The following PSMA1 variants were observed in gnomAD, a reference collection of about 807,000 sequenced individuals.
PSMA1 encodes the protein proteasome 20S subunit alpha 1.
In PSMA1, 3 loss-of-function variants were observed where a neutral mutation model predicts 38.4. The observed-to-expected ratio is 0.08, with a 90% confidence interval of 0.04 to 0.20. The LOEUF (loss-of-function observed/expected upper bound fraction) is 0.20, where lower values mean the gene tolerates loss of function less well. Ranked by LOEUF, PSMA1 falls within the 10% of genes least tolerant of loss-of-function variation. The probability of loss-of-function intolerance (pLI) is 1.00; values close to 1 mark genes in which losing one functional copy is unlikely to be tolerated. For missense variants in PSMA1, 227 were observed against 325.3 expected, an observed-to-expected ratio of 0.70 and a Z score of 2.32; for synonymous variants, 101 against 107.1, an observed-to-expected ratio of 0.94 and a Z score of 0.35.
At chr11:14,614,879 CT>C (rs1852752577) in intron 1 of PSMA1, among the ~76,000 whole-genome samples, 1 of 152,188 alleles carries the variant, frequency 6.6e-6, no homozygotes, top group Admixed American at 6.5e-5. Context: ...TTGGAGGGAT[CT>C]TTTTCTAACT....
intron 4 of PSMA1, 76 bp downstream of exon 4, chr11:14,517,566 C>A: frequency 8.4e-7 from 1 of 1,189,494 alleles, no homozygotes; most frequent in East Asian, 2.6e-5. Context: ...TCCTAAAATA[C>A]CTTATCTGGA....
intron 2 of PSMA1, among the ~76,000 whole-genome samples, chr11:14,589,461 TA>T (rs1338474627): frequency 3.3e-5 from 5 of 150,864 alleles, no homozygotes; most frequent in African/African-American, 7.3e-5. Context: ...TATATATATA[TA>T]TTTTTTTCTT....
chr11:14,539,861 A>G (rs965986409), intron 2 of PSMA1, among the ~76,000 whole-genome samples: 3 of 150,942 alleles, frequency 2.0e-5, no homozygotes, highest in African/African-American at 7.3e-5. Flanking sequence ...ACAAACAAAC[A>G]AAGAAAAAAA....
chr11:14,639,304 GAA>G (rs1249492346), intron 1 of PSMA1, among the ~76,000 whole-genome samples: 1 of 151,990 alleles, frequency 6.6e-6, no homozygotes, highest in Non-Finnish European at 1.5e-5. Flanking sequence ...TGAATGTTAA[GAA>G]AAATATTTTA....
intron 2 of PSMA1, among the ~76,000 whole-genome samples, chr11:14,580,396 C>T (rs571737346): frequency 3.3e-5 from 5 of 152,166 alleles, no homozygotes; most frequent in Admixed American, 6.5e-5. Context: ...TGCTACACCT[C>T]AAGACCACTT....
At chr11:14,633,959 C>G (rs527390728) in intron 1 of PSMA1, among the ~76,000 whole-genome samples, 1 of 152,184 alleles carries the variant, frequency 6.6e-6, no homozygotes, top group Non-Finnish European at 1.5e-5. Context: ...TGACCCCTTG[C>G]GCTTCCCAAG....
intron 1 of PSMA1, among the ~76,000 whole-genome samples, chr11:14,638,578 TATATATA>T (rs1317739813): frequency 1.1e-3 from 26 of 24,390 alleles, no homozygotes; most frequent in African/African-American, 1.6e-3. Context: ...TATATATATA[TATATATA>T]TTTTTTTTTT....
intron 2 of PSMA1, among the ~76,000 whole-genome samples, chr11:14,554,208 G>T (rs567867868): frequency 3.3e-5 from 5 of 152,062 alleles, no homozygotes; most frequent in African/African-American, 1.2e-4. Flanking sequence ...CAGATGTTTG[G>T]TTTACTATAT....
upstream of PSMA1, chr11:14,520,435 C>G (rs1191779784): frequency 1.3e-6 from 2 of 1,596,936 alleles, no homozygotes; most frequent in Non-Finnish European, 1.7e-6. Flanking sequence ...GCAGTCTATT[C>G]CAGAGATATC....
intron 2 of PSMA1, among the ~76,000 whole-genome samples, chr11:14,586,617 A>C (rs1329826360): frequency 6.6e-6 from 1 of 152,172 alleles, no homozygotes; most frequent in Non-Finnish European, 1.5e-5. Flanking sequence ...GAAAATACTT[A>C]GGTAGTTTTT....
At chr11:14,519,842 G>A (rs1317287145) in intron 1 of PSMA1, 1 of 167,868 alleles carries the variant, frequency 6.0e-6, no homozygotes, top group African/African-American at 2.4e-5. Flanking sequence ...TCTAATCGAA[G>A]TCTAGGCGAG....
chr11:14,593,209 G>C (rs1852443465), intron 2 of PSMA1, among the ~76,000 whole-genome samples: 1 of 152,176 alleles, frequency 6.6e-6, no homozygotes, highest in Non-Finnish European at 1.5e-5. Flanking sequence ...CTAGAAAGTG[G>C]CAGAGCCCAG....
chr11:14,631,643 T>G (rs1590017276), intron 1 of PSMA1, among the ~76,000 whole-genome samples: 1 of 152,324 alleles, frequency 6.6e-6, no homozygotes, highest in Admixed American at 6.5e-5. Context: ...GTATATTCTG[T>G]TGATTTGGGG....
intron 2 of PSMA1, among the ~76,000 whole-genome samples, chr11:14,575,296 C>T (rs1029476690): frequency 6.6e-6 from 1 of 152,116 alleles, no homozygotes; most frequent in East Asian, 1.9e-4. Flanking sequence ...TTCTAGGGTA[C>T]ATATGCACAA....
At position 14,544,277 on chromosome 11, in the gene PSMA1, G is replaced by A. The variant is rs574272002; in HGVS notation, c.22-25236C>T. On this transcript the variant is annotated intron_variant, in intron 2 of 10. Transcript: ENST00000418988. ...ACAAACCCCTGAGCTCAAGCAACCC[G>A]CCCGCCTTGGCCTCTCAAAGTGCTG... Among the ~76,000 whole-genome samples, 333 of 152,146 alleles carry A rather than the reference G, an allele frequency of 2.2e-3. 1 individual carries two copies. Among genetic ancestry groups the A allele is most frequent in the African/African-American group, 7.5e-3 (310 of 41,488 alleles).
At chr11:14,604,118 TATTC>T (rs1373536343) in intron 2 of PSMA1, among the ~76,000 whole-genome samples, 2 of 152,346 alleles carry the variant, frequency 1.3e-5, no homozygotes, top group East Asian at 3.9e-4. Flanking sequence ...TAAATATTCA[TATTC>T]ATTCTTAGCT....
upstream of PSMA1, among the ~76,000 whole-genome samples, chr11:14,521,085 T>C (rs1253368162): frequency 7.4e-6 from 1 of 134,780 alleles, no homozygotes; most frequent in African/African-American, 2.8e-5. Flanking sequence ...GGACACTTTC[T>C]TTCGATTTAT....
At chr11:14,638,545 CTATATATA>C (rs1243564648) in intron 1 of PSMA1, among the ~76,000 whole-genome samples, 241 of 15,872 alleles carry the variant, frequency 0.015, no homozygotes, top group Middle Eastern at 0.042. Flanking sequence ...CTCTCTCTCT[CTATATATA>C]TATATATATA....
intron 4 of PSMA1, among the ~76,000 whole-genome samples, chr11:14,515,140 T>A (rs1170882885): frequency 6.6e-6 from 1 of 152,220 alleles, no homozygotes; most frequent in Non-Finnish European, 1.5e-5. Flanking sequence ...GTCCAGTATA[T>A]GCGTATGTCA....
Sources: allele counts gnomAD v4.1 joint callset (sites outside exome capture counted in the v4.1 genomes callset), GRCh38; gene constraint gnomAD v4.1.1; transcripts MANE v1.5; gene names NCBI Gene and HGNC (gene_info 2026-07-23, HGNC 2026-07-21).